COLEC12: variants seen among roughly 807,000 people sequenced by gnomAD.
The protein encoded by COLEC12 is collectin subfamily member 12, also known as collectin-12.
COLEC12 carries 33 observed loss-of-function variants against 71.1 expected under a neutral mutation model. That is an observed-to-expected ratio of 0.46 (90% CI 0.35 to 0.62). COLEC12 has a LOEUF of 0.62. COLEC12 is among the 20% of genes least tolerant of loss of function. The probability of loss-of-function intolerance (pLI) is 0.00; values close to 1 mark genes in which losing one functional copy is unlikely to be tolerated. For synonymous variants in COLEC12, 350 were observed against 353.0 expected (o/e 0.99, Z 0.10); for missense variants, 765 against 916.1 (o/e 0.84, Z 2.13).
intron 2 of COLEC12, among the ~76,000 whole-genome samples, chr18:380,916 A>G (rs373816532): frequency 1.3e-5 from 2 of 152,126 alleles, no homozygotes; most frequent in Non-Finnish European, 2.9e-5. Flanking sequence ...AGCCTCCCAC[A>G]TGGTTCTCTT....
chr18:321,836 T>C (rs762587838), intron 8 of COLEC12, 29 bp from the exon 9 acceptor site: 3 of 1,609,950 alleles, frequency 1.9e-6, no homozygotes, highest in African/African-American at 1.3e-5. Context: ...TTGAATGTTA[T>C]TTGCACAGTA....
intron 2 of COLEC12, among the ~76,000 whole-genome samples, chr18:444,002 C>T (rs1213269975): frequency 6.6e-6 from 1 of 152,194 alleles, no homozygotes; most frequent in African/African-American, 2.4e-5. Context: ...GAGGCCTCTC[C>T]AGGAGCCGAG....
At chr18:455,378 T>A (rs35110528) in intron 2 of COLEC12, among the ~76,000 whole-genome samples, 1 of 150,520 alleles carries the variant, frequency 6.6e-6, no homozygotes, top group East Asian at 2.0e-4. Flanking sequence ...CCCGGGTTCA[T>A]GCCATTCTCC....
At chr18:451,331 G>A (rs1457881335) in intron 2 of COLEC12, among the ~76,000 whole-genome samples, 6 of 152,096 alleles carry the variant, frequency 3.9e-5, no homozygotes, top group African/African-American at 1.2e-4. Flanking sequence ...ATATTTAAAA[G>A]GGAAGCGGAG....
intron 2 of COLEC12, among the ~76,000 whole-genome samples, chr18:434,518 C>T (rs1041287076): frequency 1.3e-5 from 2 of 152,222 alleles, no homozygotes; most frequent in African/African-American, 4.8e-5. Flanking sequence ...TAAGCAGTCA[C>T]ATCTGGCCCA....
chr18:454,690 A>T (rs1201250720), intron 2 of COLEC12, among the ~76,000 whole-genome samples: 2 of 152,204 alleles, frequency 1.3e-5, no homozygotes, highest in African/African-American at 4.8e-5. Context: ...CTCCAAAAAA[A>T]TAAATAAAAC....
intron 8 of COLEC12, among the ~76,000 whole-genome samples, chr18:330,616 C>T (rs1913952285): frequency 1.3e-5 from 2 of 151,800 alleles, no homozygotes; most frequent in African/African-American, 4.8e-5. Context: ...TGATGCAATA[C>T]AGTCATTGTT....
At chr18:363,037 G>A (rs1415130475) in intron 2 of COLEC12, among the ~76,000 whole-genome samples, 3 of 152,182 alleles carry the variant, frequency 2.0e-5, no homozygotes, top group Admixed American at 6.5e-5. Context: ...GCTGGCAGGG[G>A]GGGAATGGGG....
chr18:441,401 A>G (rs1916532135), intron 2 of COLEC12, among the ~76,000 whole-genome samples: 1 of 152,052 alleles, frequency 6.6e-6, no homozygotes, highest in Non-Finnish European at 1.5e-5. Flanking sequence ...CACTTTGAGA[A>G]ACACTGGGCT....
At chr18:389,374 G>T (rs1325331406) in intron 2 of COLEC12, among the ~76,000 whole-genome samples, 1 of 151,700 alleles carries the variant, frequency 6.6e-6, no homozygotes, top group Admixed American at 6.6e-5. Context: ...CGCCTCCCAG[G>T]TTCAAGTCAT....
intron 2 of COLEC12, among the ~76,000 whole-genome samples, chr18:384,966 T>C (rs1915312342): frequency 6.6e-6 from 1 of 152,182 alleles, no homozygotes; most frequent in Non-Finnish European, 1.5e-5. Flanking sequence ...AATACAGCAA[T>C]AAAACGCAAT....
chr18:437,440 G>A (rs1916428471), intron 2 of COLEC12, among the ~76,000 whole-genome samples: 1 of 151,918 alleles, frequency 6.6e-6, no homozygotes, highest in South Asian at 2.1e-4. Flanking sequence ...ACTTAAAATG[G>A]ATTTTTTTTT....
chr18:438,503 AC>A (rs1916449566), intron 2 of COLEC12, among the ~76,000 whole-genome samples: 1 of 152,230 alleles, frequency 6.6e-6, no homozygotes, highest in South Asian at 2.1e-4. Flanking sequence ...TATTAGAGAT[AC>A]AATGGAAGAT....
chr18:478,483 C>T (rs1917346348), intron 2 of COLEC12, among the ~76,000 whole-genome samples: 1 of 152,146 alleles, frequency 6.6e-6, no homozygotes, highest in Non-Finnish European at 1.5e-5. Flanking sequence ...CATAGTGGCA[C>T]ATACCCGTAG....
chr18:479,526 ACT>A (rs541393393), intron 2 of COLEC12, among the ~76,000 whole-genome samples: 2,445 of 143,166 alleles, frequency 0.017, 63 homozygotes, highest in African/African-American at 0.055. Flanking sequence ...TCATTTTCAT[ACT>A]CTCTCTCTCT....
chr18:422,823 TAAAA>T (rs796916186), intron 2 of COLEC12, among the ~76,000 whole-genome samples: 12 of 152,206 alleles, frequency 7.9e-5, no homozygotes, highest in Non-Finnish European at 1.8e-4. Flanking sequence ...TGTAAGTTAT[TAAAA>T]ATTATACTAA....
intron 2 of COLEC12, among the ~76,000 whole-genome samples, chr18:412,426 T>C (rs1915909788): frequency 6.6e-6 from 1 of 150,482 alleles, no homozygotes; most frequent in Non-Finnish European, 1.5e-5. Flanking sequence ...GAAAACTAAG[T>C]GATATCTCCA....
chr18:467,362 T>A (rs377226175), intron 2 of COLEC12, among the ~76,000 whole-genome samples: 5 of 152,354 alleles, frequency 3.3e-5, no homozygotes, highest in East Asian at 1.9e-4. Flanking sequence ...CCCTTTTGTG[T>A]ATATGGATTC....
intron 2 of COLEC12, among the ~76,000 whole-genome samples, chr18:420,027 G>A (rs1191441616): frequency 1.3e-5 from 2 of 152,172 alleles, no homozygotes; most frequent in East Asian, 1.9e-4. Flanking sequence ...GGGCCTAGGA[G>A]GAGACAGTGC....
Sources: gnomAD v4.1 joint callset for allele counts (sites outside exome capture counted in the v4.1 genomes callset) on GRCh38, gnomAD v4.1.1 for gene constraint, MANE v1.5 for transcripts, NCBI Gene and HGNC (gene_info 2026-07-23, HGNC 2026-07-21) for gene names.